TRIM58: variants seen among roughly 807,000 people sequenced by gnomAD.
TRIM58 encodes tripartite motif containing 58.
In TRIM58, 38 loss-of-function variants were observed where a neutral mutation model predicts 34.1. The observed-to-expected ratio is 1.12, with a 90% CI of 0.86 to 1.46. The LOEUF (loss-of-function observed/expected upper bound fraction) is 1.46. Among genes scored for constraint, TRIM58 ranks in the 40% most tolerant of loss-of-function variants. The pLI is 0.00. For synonymous variants in TRIM58, 273 were observed against 275.7 expected, an observed-to-expected ratio of 0.99 and a Z score of 0.10; for missense variants, 677 against 642.0, an observed-to-expected ratio of 1.05 and a Z score of -0.59.
In TRIM58 at chr1:247,879,386, T is replaced by G. The variant is rs372033751; in HGVS notation, c.*2897T>G. 6.6e-6 allele frequency among the ~76,000 whole-genome samples: 1 copy of G among 152,234 alleles called. No individual in the cohort carries two copies. Among genetic ancestry groups the G allele is most frequent in the Non-Finnish European group, 1.5e-5 (1 of 68,044 alleles). On this transcript the variant is annotated 3_prime_UTR_variant, in exon 6 of 6. Transcript: ENST00000366481. ...ATCCTGCCCCTCTGGATTATGACTT[T>G]CGTTTCCTCACAGTGGTCCTGCTTG...
chr1:247,862,546 T>C (rs1413698059), intron 2 of TRIM58, among the ~76,000 whole-genome samples: 1 of 152,210 alleles, frequency 6.6e-6, no homozygotes, highest in African/African-American at 2.4e-5. Flanking sequence ...AATATTGTAA[T>C]ATTGATTGAT....
chr1:247,867,320 A>G (rs1663953138), intron 3 of TRIM58, among the ~76,000 whole-genome samples: 1 of 152,220 alleles, frequency 6.6e-6, no homozygotes, highest in Admixed American at 6.5e-5. Flanking sequence ...ACAATATCCA[A>G]GTAGCAGAAT....
rs1475388209 is a variant in TRIM58, at chr1:247,857,599, G to A, written c.353G>A (p.Cys118Tyr). ...GACGAGGCGGCGCTGTGCTGGGTGT[G>A]CGACGCCGGCCCCGAGCACAGGACG... Reference protein sequence around the residue: ...EEDEAALCWVCDAGPEHRTHR... With the variant: ...EEDEAALCWVYDAGPEHRTHR... Residue 118 changes from cysteine (C) to tyrosine (Y), a missense_variant, in exon 1 of 6, where the codon TGC (cysteine) becomes TAC (tyrosine). Coordinates refer to ENST00000366481, the MANE Select transcript of TRIM58 (RefSeq NM_015431.4). The A allele has an allele frequency of 4.8e-6, 6 of 1,260,462 alleles. No homozygotes were observed. Among genetic ancestry groups the A allele is most frequent in the Non-Finnish European group, 6.0e-6 (6 of 1,006,362 alleles). 78.1% of individuals were successfully genotyped at this position (1,260,462 alleles called of 1,614,324 possible). A position where few individuals can be genotyped will look rare whatever the true frequency, so the allele number is the denominator to read the frequency against.
chr1:247,859,224 G>A (rs1159379169), intron 1 of TRIM58, among the ~76,000 whole-genome samples: 1 of 152,056 alleles, frequency 6.6e-6, no homozygotes, highest in Non-Finnish European at 1.5e-5. Flanking sequence ...AGCAAATTTA[G>A]CCGAATCACT....
intron 2 of TRIM58, among the ~76,000 whole-genome samples, chr1:247,863,935 A>T (rs903823198): frequency 2.0e-5 from 3 of 152,164 alleles, no homozygotes; most frequent in African/African-American, 7.2e-5. Flanking sequence ...GGTTGTGTTC[A>T]CTATTACCAT....
Position 247,875,960 on chromosome 1 carries a change from GCA to G in TRIM58, c.933_934del (p.Ser312CysfsTer15), listed in dbSNP as rs1208278886. On this transcript the variant is annotated frameshift_variant, in exon 6 of 6. Coordinates refer to ENST00000366481, the MANE Select transcript of TRIM58 (RefSeq NM_015431.4). LOFTEE classifies it low-confidence loss of function (END_TRUNC). ...AGTCTGCTCTTGACCGCCGACCTGCGCAGTGTGCAGGATGGAGAACCATGGAG... is the reference window on the plus strand; with the variant it reads ...AGTCTGCTCTTGACCGCCGACCTGCGGTGTGCAGGATGGAGAACCATGGAG... 1 of 1,614,072 alleles carries G rather than the reference GCA, an allele frequency of 6.2e-7. No individual in the cohort carries two copies. Among genetic ancestry groups the G allele is most frequent in the Non-Finnish European group, 8.5e-7 (1 of 1,180,040 alleles).
At chr1:247,872,284 A>G (rs1019444694) in intron 5 of TRIM58, among the ~76,000 whole-genome samples, 2 of 152,220 alleles carry the variant, frequency 1.3e-5, no homozygotes, top group Non-Finnish European at 2.9e-5. Flanking sequence ...AAAGCAGTTA[A>G]GGGTCTTTGC....
chr1:247,863,524 C>T (rs1460601367), intron 2 of TRIM58, among the ~76,000 whole-genome samples: 5 of 151,026 alleles, frequency 3.3e-5, no homozygotes, highest in African/African-American at 1.2e-4. Flanking sequence ...GGTGACAGAG[C>T]GAGACTCTGT....
intron 1 of TRIM58, 109 bp downstream of exon 1, chr1:247,857,775 C>G (rs188466397): frequency 8.4e-7 from 1 of 1,186,478 alleles, no homozygotes; most frequent in Non-Finnish European, 1.0e-6. Context: ...CTCCCACGGC[C>G]GCTCCCCCCA....
Position 247,857,271 on chromosome 1 carries a change from C to G in TRIM58, c.25C>G (p.Arg9Gly). The change falls in exon 1 of 6, where the codon CGG (arginine) becomes GGG (glycine). Residue 9 changes from arginine to glycine, a missense_variant. Transcript: ENST00000366481. MAWAPPGE[R>G]LREDARCPVC... ...CATGGCCTGGGCGCCGCCCGGGGAGCGGCTGCGCGAGGATGCGCGGTGCCC... is the reference window on the plus strand; with the variant it reads ...CATGGCCTGGGCGCCGCCCGGGGAGGGGCTGCGCGAGGATGCGCGGTGCCC... 7.4e-7 allele frequency: 1 copy of G among 1,350,256 alleles called. No homozygotes were observed. The highest frequency in any genetic ancestry group is 9.6e-7 in the Non-Finnish European group (1 of 1,043,834). The allele number at this position is 1,350,256 out of a possible 1,614,324, so 83.6% of individuals were successfully genotyped here.
At chr1:247,869,519 A>G (rs559587983) in intron 5 of TRIM58, among the ~76,000 whole-genome samples, 1 of 152,370 alleles carries the variant, frequency 6.6e-6, no homozygotes, top group South Asian at 2.1e-4. Flanking sequence ...GACCAAATAC[A>G]CACTTCACAG....
intron 2 of TRIM58, among the ~76,000 whole-genome samples, chr1:247,861,394 G>C (rs528290925): frequency 2.6e-5 from 4 of 152,138 alleles, no homozygotes; most frequent in Admixed American, 2.6e-4. Context: ...GGTGGGTGCA[G>C]TGCACCTGTC....
intron 5 of TRIM58, among the ~76,000 whole-genome samples, chr1:247,875,541 G>GTC (rs373948554): frequency 1.6e-3 from 235 of 148,544 alleles, no homozygotes; most frequent in South Asian, 6.8e-3. Context: ...CCGTCTCTCT[G>GTC]TCTCTCTCTC....
intron 1 of TRIM58, among the ~76,000 whole-genome samples, chr1:247,858,720 T>A (rs1558347891): frequency 6.8e-6 from 1 of 146,156 alleles, no homozygotes; most frequent in African/African-American, 2.5e-5. Flanking sequence ...CTTGCCTTTT[T>A]AAAAAAAGTC....
chr1:247,857,789 C>T, intron 1 of TRIM58, 123 bp downstream of exon 1: 1 of 1,171,320 alleles, frequency 8.5e-7, no homozygotes, highest in Middle Eastern at 3.4e-4. Flanking sequence ...CCCCCCACCG[C>T]GCGCCGTCCC....
rs1026863883 is a variant in TRIM58 at position 247,877,581 on chromosome 1, G to GA, written c.*1098dup. 1.3e-5 allele frequency: 2 copies of GA among 151,734 alleles called. No homozygotes were observed. The highest frequency in any genetic ancestry group is 2.9e-5 in the Non-Finnish European group (2 of 67,940). 9.4% of individuals were successfully genotyped at this position (151,734 alleles called of 1,614,324 possible). A position where few individuals can be genotyped will look rare whatever the true frequency, so the allele number is the denominator to read the frequency against. ...CAGTGCGAGACTCCATCTCAAAAAA[G>GA]AAAAAAGACCTCAAACAACACTTCT... On this transcript the variant is annotated 3_prime_UTR_variant, in exon 6 of 6. Transcript: ENST00000366481.
intron 5 of TRIM58, among the ~76,000 whole-genome samples, chr1:247,875,133 A>G (rs192821839): frequency 6.6e-6 from 1 of 152,162 alleles, no homozygotes; most frequent in African/African-American, 2.4e-5. Context: ...GTGGGATTTG[A>G]TTAGACGCAC....
chr1:247,861,104 A>G (rs1020366279), intron 2 of TRIM58, among the ~76,000 whole-genome samples: 1 of 152,194 alleles, frequency 6.6e-6, no homozygotes, highest in Non-Finnish European at 1.5e-5. Context: ...TGATCATCTT[A>G]TATACAGGGT....
At chr1:247,861,905 C>A (rs1048575291) in intron 2 of TRIM58, among the ~76,000 whole-genome samples, 2 of 152,046 alleles carry the variant, frequency 1.3e-5, no homozygotes, top group Non-Finnish European at 2.9e-5. Context: ...AGGTGGATCA[C>A]CTGAGGTCAG....
Sources: gnomAD v4.1 joint callset for allele counts (sites outside exome capture counted in the v4.1 genomes callset) on GRCh38, gnomAD v4.1.1 for gene constraint, MANE v1.5 for transcripts, NCBI Gene and HGNC (gene_info 2026-07-23, HGNC 2026-07-21) for gene names.